CLVS2: variants seen among roughly 807,000 people sequenced by gnomAD.
CLVS2 encodes the protein clavesin-2.
CLVS2 carries 19 observed loss-of-function variants against 29.0 expected under a neutral mutation model. That is an observed-to-expected ratio of 0.66 (90% confidence interval 0.46 to 0.96). The LOEUF (loss-of-function observed/expected upper bound fraction) is 0.96. CLVS2 is among the 40% of genes least tolerant of loss of function. The pLI, the probability that CLVS2 is intolerant of heterozygous loss-of-function variation, is 0.00. For missense variants in CLVS2, 294 were observed against 404.1 expected (o/e 0.73, Z 2.34); for synonymous variants, 161 against 151.3 (o/e 1.06, Z -0.47).
chr6:123,058,095 A>C (rs1772721293), intron 5 of CLVS2, among the ~76,000 whole-genome samples: 1 of 152,216 alleles, frequency 6.6e-6, no homozygotes, highest in East Asian at 1.9e-4. Context: ...CCTAATGATA[A>C]CAGTTGTTAT....
In CLVS2 at chr6:123,070,774, T is replaced by C. The variant is rs937337022; in HGVS notation, c.*7013T>C. Reference sequence around the variant, plus strand: ...CGTTCTTGCCTTTTCTTAGATAATCTCTTAAGAATCTCTCCTTTATTTACT... The same window carrying C: ...CGTTCTTGCCTTTTCTTAGATAATCCCTTAAGAATCTCTCCTTTATTTACT... On this transcript the variant is annotated 3_prime_UTR_variant, in exon 6 of 6. Transcript: ENST00000275162. 1 of 152,026 alleles carries C rather than the reference T, an allele frequency of 6.6e-6. No individual in the cohort carries two copies. The highest frequency in any genetic ancestry group is 2.4e-5 in the African/African-American group (1 of 41,424). The allele number at this position is 152,026 out of a possible 1,614,324, so 9.4% of individuals were successfully genotyped here. A position where few individuals can be genotyped will look rare whatever the true frequency, so the allele number is the denominator to read the frequency against.
chr6:123,056,078 T>G, intron 5 of CLVS2, 52 bp downstream of exon 5: 1 of 1,243,362 alleles, frequency 8.0e-7, no homozygotes, highest in Middle Eastern at 1.9e-4. Context: ...GGGAGAGGCA[T>G]CCTGAGTCAA....
At chr6:123,057,094 C>T (rs1772703022) in intron 5 of CLVS2, among the ~76,000 whole-genome samples, 1 of 152,096 alleles carries the variant, frequency 6.6e-6, no homozygotes, top group African/African-American at 2.4e-5. Flanking sequence ...CCCAGGCAAC[C>T]ACAGCTCAGG....
At chr6:123,019,604 G>T (rs1053228276) in intron 3 of CLVS2, among the ~76,000 whole-genome samples, 1 of 151,934 alleles carries the variant, frequency 6.6e-6, no homozygotes, top group African/African-American at 2.4e-5. Flanking sequence ...CTCCTGTGAT[G>T]AGTATTTCCA....
At chr6:122,998,761 G>C (rs12197639) in intron 2 of CLVS2, among the ~76,000 whole-genome samples, 1 of 152,082 alleles carries the variant, frequency 6.6e-6, no homozygotes, top group African/African-American at 2.4e-5. Context: ...CTGTCGCTGA[G>C]CATGCCTGCT....
intron 3 of CLVS2, among the ~76,000 whole-genome samples, chr6:123,016,766 T>A (rs1774840632): frequency 6.6e-6 from 1 of 152,098 alleles, no homozygotes; most frequent in Non-Finnish European, 1.5e-5. Context: ...ATAAAGAATA[T>A]GTAATCAATT....
At chr6:123,056,106 T>C in intron 5 of CLVS2, 80 bp downstream of exon 5, 2 of 915,676 alleles carry the variant, frequency 2.2e-6, no homozygotes, top group Non-Finnish European at 3.5e-6. Flanking sequence ...GCTTTCTGTT[T>C]TTCTGTATAC....
intron 5 of CLVS2, among the ~76,000 whole-genome samples, chr6:123,058,965 A>G (rs998913318): frequency 6.6e-6 from 1 of 152,022 alleles, no homozygotes; most frequent in African/African-American, 2.4e-5. Context: ...CCTTAGCTTT[A>G]TATTTTTAAT....
chr6:123,015,996 G>A (rs546696644), intron 3 of CLVS2, among the ~76,000 whole-genome samples: 15 of 134,288 alleles, frequency 1.1e-4, no homozygotes, highest in East Asian at 9.1e-4. Context: ...ATGTATTTCC[G>A]TGATAGGTAA....
chr6:123,018,188 T>A (rs1774865978), intron 3 of CLVS2, among the ~76,000 whole-genome samples: 1 of 152,090 alleles, frequency 6.6e-6, no homozygotes, highest in African/African-American at 2.4e-5. Context: ...TTTTATTGGC[T>A]ATGTTTAGAC....
At position 123,009,208 on chromosome 6, in the gene CLVS2, G is replaced by C. The variant is rs994360197; in HGVS notation, c.390-1777G>C. On this transcript the variant is annotated intron_variant, in intron 2 of 5. Transcript: ENST00000275162. ...CAGTCCTCCCCCAAACATGGCCAATGAGATAATGAGAATAGCATGAGATAG... is the reference window on the plus strand; with the variant it reads ...CAGTCCTCCCCCAAACATGGCCAATCAGATAATGAGAATAGCATGAGATAG... 4.6e-5 allele frequency among the ~76,000 whole-genome samples: 7 copies of C among 152,082 alleles called. No homozygotes were observed. In the South Asian group the frequency reaches 1.5e-3, roughly 32 times the overall value.
chr6:123,001,116 A>C (rs988702455), intron 2 of CLVS2, among the ~76,000 whole-genome samples: 1 of 152,212 alleles, frequency 6.6e-6, no homozygotes, highest in Admixed American at 6.5e-5. Context: ...ATGCATTTGT[A>C]TAAAAAGAAT....
chr6:123,026,524 C>A (rs962230319), intron 3 of CLVS2, among the ~76,000 whole-genome samples: 1 of 152,070 alleles, frequency 6.6e-6, no homozygotes, highest in Admixed American at 6.6e-5. Flanking sequence ...GAAAATTATG[C>A]ATTGTGGATA....
intron 5 of CLVS2, among the ~76,000 whole-genome samples, chr6:123,063,344 C>T (rs1171264373): frequency 6.6e-6 from 1 of 151,924 alleles, no homozygotes; most frequent in African/African-American, 2.4e-5. Context: ...TATTGGAAAA[C>T]ATCTATCCTA....
chr6:123,041,144 C>T (rs1285843226), intron 3 of CLVS2, among the ~76,000 whole-genome samples: 1 of 152,046 alleles, frequency 6.6e-6, no homozygotes, highest in Non-Finnish European at 1.5e-5. Context: ...ATAGGCTCCT[C>T]TACAGGTTGC....
In CLVS2 at chr6:122,997,996, G is replaced by T. The variant is rs1489825389; in HGVS notation, c.219G>T (p.Ala73=). 4 of 1,614,124 alleles carry T rather than the reference G, an allele frequency of 2.5e-6. No individual in the cohort carries two copies. Among genetic ancestry groups the T allele is most frequent in the Non-Finnish European group, 3.4e-6 (4 of 1,180,004 alleles). Residue 73 remains alanine, a synonymous_variant, in exon 2 of 6, where the codon GCG becomes GCT. Coordinates refer to ENST00000275162, the MANE Select transcript of CLVS2 (RefSeq NM_001010852.4). ...FHHFEAFRLL[A]QYFEYRQQNL... The stretch of plus-strand genomic sequence containing the variant: ...ACTTTGAGGCCTTCCGCCTCCTGGC[G>T]CAGTACTTTGAGTACCGGCAGCAGA...
rs1168318282 is a variant in CLVS2 at position 123,069,683 on chromosome 6, C to T, written c.*5922C>T. 2.6e-5 allele frequency: 4 copies of T among 151,682 alleles called. No individual in the cohort carries two copies. Among genetic ancestry groups the T allele is most frequent in the Admixed American group, 2.0e-4 (3 of 15,186 alleles). 9.4% of individuals were successfully genotyped at this position (151,682 alleles called of 1,614,324 possible). On this transcript the variant is annotated 3_prime_UTR_variant, in exon 6 of 6. Transcript: ENST00000275162. ...ATGAACCAGAAAACAAAGAAAAAGC[C>T]AGAGATATTGTCTCCACTCTCGTTA...
At chr6:123,045,235 C>CA (rs1772468446) in intron 3 of CLVS2, among the ~76,000 whole-genome samples, 1 of 151,776 alleles carries the variant, frequency 6.6e-6, no homozygotes. Context: ...TTCAGTACAA[C>CA]AAAACAGAAA....
chr6:123,009,523 T>C (rs187370437), intron 2 of CLVS2, among the ~76,000 whole-genome samples: 92 of 152,126 alleles, frequency 6.0e-4, no homozygotes, highest in Admixed American at 5.9e-3. Context: ...GAAGTAAAAA[T>C]AGACCTACTT....
Sources: gnomAD v4.1 joint callset for allele counts (sites outside exome capture counted in the v4.1 genomes callset) on GRCh38, gnomAD v4.1.1 for gene constraint, MANE v1.5 for transcripts, NCBI Gene and HGNC (gene_info 2026-07-23, HGNC 2026-07-21) for gene names.